POLR2F: variants seen among roughly 807,000 people sequenced by gnomAD.
POLR2F encodes the protein DNA-directed RNA polymerases I, II, and III subunit RPABC2.
A neutral mutation model predicts 22.7 loss-of-function variants in POLR2F; 12 were observed. The ratio of observed to expected loss-of-function variants is 0.53; its 90% CI spans 0.34 to 0.86. POLR2F has a LOEUF of 0.86. POLR2F is among the 40% of genes least tolerant of loss of function. POLR2F has a pLI of 0.02. For synonymous variants in POLR2F, 57 were observed against 66.0 expected (o/e 0.86, Z 0.66); for missense variants, 126 against 171.5 (o/e 0.73, Z 1.48).
At chr22:38,015,209 T>C (rs575242188) in intron 1 of POLR2F, among the ~76,000 whole-genome samples, 1 of 152,328 alleles carries the variant, frequency 6.6e-6, no homozygotes, top group African/African-American at 2.4e-5. Flanking sequence ...ACTGGAGTGT[T>C]AGTGATTACT....
At position 37,980,795 on chromosome 22, in the gene POLR2F, A is replaced by C. The variant is rs1932373135; in HGVS notation, c.293+13625A>C. ...ATTCCTCACCCAAACTGGAAACCCC[A>C]ACCGGGGACCTCCCACAGTGGGGCA... On this transcript the variant is annotated intron_variant, in intron 4 of 4. Transcript: ENST00000405557. This position sits in a 1 kb window ranked among gnomAD's most constrained non-coding sequence, Gnocchi z 4.1. 6.6e-6 allele frequency among the ~76,000 whole-genome samples: 1 copy of C among 152,190 alleles called. No homozygotes were observed. Among genetic ancestry groups the C allele is most frequent in the African/African-American group, 2.4e-5 (1 of 41,446 alleles).
chr22:37,979,388 G>A (rs1173711674), intron 4 of POLR2F, among the ~76,000 whole-genome samples: 6 of 152,144 alleles, frequency 3.9e-5, no homozygotes, highest in East Asian at 3.9e-4. Flanking sequence ...ATGAGCCACC[G>A]TGCCCGGCCC....
At chr22:37,996,920 A>G (rs535266796) in intron 1 of POLR2F, among the ~76,000 whole-genome samples, 1 of 152,314 alleles carries the variant, frequency 6.6e-6, no homozygotes, top group East Asian at 1.9e-4. Flanking sequence ...CACTACTGCC[A>G]TAGATGGTCT....
intron 1 of POLR2F, among the ~76,000 whole-genome samples, chr22:37,998,906 T>G (rs73417825): frequency 2.0e-5 from 3 of 151,742 alleles, no homozygotes; most frequent in Non-Finnish European, 4.4e-5. Context: ...AGGCAGGGCA[T>G]TAGGGTCTGG....
At chr22:38,020,196 CACACATATAT>C (rs949569421) in intron 1 of POLR2F, among the ~76,000 whole-genome samples, 57 of 129,526 alleles carry the variant, frequency 4.4e-4, no homozygotes, top group African/African-American at 1.8e-3. Flanking sequence ...TAAATACACA[CACACATATAT>C]ACACACACAC....
intron 1 of POLR2F, among the ~76,000 whole-genome samples, chr22:38,012,436 C>CA (rs2084879024): frequency 6.6e-6 from 1 of 152,124 alleles, no homozygotes; most frequent in South Asian, 2.1e-4. Context: ...GTTGCCAAGG[C>CA]AGTACAAAAA....
intron 1 of POLR2F, among the ~76,000 whole-genome samples, chr22:37,993,498 G>A (rs1454552841): frequency 6.6e-6 from 1 of 152,182 alleles, no homozygotes; most frequent in Non-Finnish European, 1.5e-5. Flanking sequence ...CCGACATAAG[G>A]TTTTCTTATT....
intron 1 of POLR2F, among the ~76,000 whole-genome samples, chr22:37,956,528 T>A (rs989609757): frequency 5.9e-5 from 9 of 151,942 alleles, no homozygotes; most frequent in African/African-American, 2.2e-4. Context: ...GCAATTCTTG[T>A]GACTCAGCCC....
chr22:37,998,862 A>G (rs2084742452), intron 1 of POLR2F, among the ~76,000 whole-genome samples: 3 of 151,326 alleles, frequency 2.0e-5, no homozygotes, highest in Admixed American at 2.0e-4. Context: ...AGAGGAGAGG[A>G]GAGGTGTGGT....
chr22:37,978,263 A>G lies in POLR2F; in HGVS notation c.293+11093A>G. 1 of 1,020,996 alleles carries G rather than the reference A, an allele frequency of 9.8e-7. No homozygotes were observed. Among genetic ancestry groups the G allele is most frequent in the East Asian group, 2.6e-5 (1 of 37,812 alleles). 63.2% of individuals were successfully genotyped at this position (1,020,996 alleles called of 1,614,324 possible). ...GGCCCTGGGATGGGGCACCCAGAGG[A>G]CAGGACCCGGGGTGGGGGCTGTGCC... On this transcript the variant is annotated intron_variant, in intron 4 of 4. Transcript: ENST00000405557. The surrounding 1 kb of genome is among the most constrained non-coding windows in gnomAD (Gnocchi z 5.0).
intron 1 of POLR2F, among the ~76,000 whole-genome samples, chr22:38,004,054 A>G (rs1381453169): frequency 6.6e-6 from 1 of 152,090 alleles, no homozygotes; most frequent in Non-Finnish European, 1.5e-5. Flanking sequence ...CAGTGGCGTG[A>G]CATAGCTCGT....
rs899252746 is a variant in POLR2F at position 37,968,549 on chromosome 22, C to G, written c.*834C>G. On this transcript the variant is annotated 3_prime_UTR_variant, in exon 5 of 5. Transcript: ENST00000442738. ...TACATTAAGTCAGAGCTGGAGTTCCCCCTTCCTCTGCCTGAGGTTCTAATG... is the reference window on the plus strand; with the variant it reads ...TACATTAAGTCAGAGCTGGAGTTCCGCCTTCCTCTGCCTGAGGTTCTAATG... 1.0e-4 allele frequency: 100 copies of G among 985,654 alleles called. No homozygotes were observed. The highest frequency in any genetic ancestry group is 5.2e-4 in the Middle Eastern group (1 of 1,936). The allele number at this position is 985,654 out of a possible 1,614,324, so 61.1% of individuals were successfully genotyped here.
intron 1 of POLR2F, among the ~76,000 whole-genome samples, chr22:37,990,693 G>T (rs1422941589): frequency 6.6e-6 from 1 of 152,260 alleles, no homozygotes; most frequent in Non-Finnish European, 1.5e-5. Flanking sequence ...GACCCCAAGA[G>T]CTGGGGTCAA....
downstream of POLR2F, chr22:37,969,372 C>G: frequency 1.0e-6 from 1 of 966,522 alleles, no homozygotes; most frequent in Non-Finnish European, 1.2e-6. Context: ...CCAGAAACAC[C>G]TGACCCTTTT....
chr22:37,957,766 G>C (rs1931458424), intron 2 of POLR2F, among the ~76,000 whole-genome samples: 1 of 152,000 alleles, frequency 6.6e-6, no homozygotes, highest in African/African-American at 2.4e-5. Context: ...TTGCTTTTCA[G>C]CCACATTCCT....
chr22:37,990,608 G>A (rs1367386012), intron 1 of POLR2F, among the ~76,000 whole-genome samples: 3 of 152,250 alleles, frequency 2.0e-5, no homozygotes, highest in African/African-American at 4.8e-5. Flanking sequence ...GAGGAGCTGA[G>A]GGTTTGATGG....
intron 1 of POLR2F, among the ~76,000 whole-genome samples, chr22:38,018,896 C>T (rs2084936996): frequency 6.6e-6 from 1 of 152,186 alleles, no homozygotes; most frequent in Non-Finnish European, 1.5e-5. Context: ...AGAGATTGGC[C>T]TCTGGAGGGC....
intron 3 of POLR2F, among the ~76,000 whole-genome samples, chr22:37,963,087 A>C (rs1313384855): frequency 1.3e-5 from 2 of 151,578 alleles, no homozygotes; most frequent in Non-Finnish European, 2.9e-5. Context: ...CCCGGGTTCA[A>C]GTGATTCTCC....
chr22:37,981,839 C>T (rs1039933534), upstream of POLR2F, among the ~76,000 whole-genome samples: 1 of 152,188 alleles, frequency 6.6e-6, no homozygotes, highest in Admixed American at 6.5e-5. Context: ...GCGGGCTGGT[C>T]GCTGAGCCCT....
Sources: gnomAD v4.1 joint callset for allele counts (sites outside exome capture counted in the v4.1 genomes callset) on GRCh38, gnomAD v4.1.1 for gene constraint, Gnocchi (gnomAD v3.1) non-coding constraint, MANE v1.5 for transcripts, NCBI Gene and HGNC (gene_info 2026-07-23, HGNC 2026-07-21) for gene names.